Variants in EPAS1 observed in about 807,000 individuals in gnomAD.
EPAS1 encodes endothelial PAS domain protein 1, also known as endothelial PAS domain-containing protein 1.
Under a neutral mutation model 87.9 loss-of-function variants are expected in EPAS1, and 23 were observed. The ratio of observed to expected loss-of-function variants is 0.26; its 90% CI spans 0.19 to 0.37. The LOEUF is 0.37. Among genes scored for constraint, EPAS1 ranks in the 10% least tolerant of loss-of-function variants. EPAS1 has a pLI of 1.00. For missense variants in EPAS1, 1,138 were observed against 1,120.7 expected (o/e 1.02, Z -0.22); for synonymous variants, 508 against 444.3 (o/e 1.14, Z -1.80).
Position 46,384,843 on chromosome 2 carries a change from C to CTA in EPAS1, c.*185_*186dup. 1 of 705,192 alleles carries CTA rather than the reference C, an allele frequency of 1.4e-6. No homozygotes were observed. The highest frequency in any genetic ancestry group is 4.0e-4 in the Middle Eastern group (1 of 2,484). The allele number at this position is 705,192 out of a possible 1,614,324, so 43.7% of individuals were successfully genotyped here. A position where few individuals can be genotyped will look rare whatever the true frequency, so the allele number is the denominator to read the frequency against. Reference sequence around the variant, plus strand: ...TTCTGAGATGCTCACTTTATTATCCCTATTTTTAAAGTACACAATTGTTTT... The same window carrying CTA: ...TTCTGAGATGCTCACTTTATTATCCCTATATTTTTAAAGTACACAATTGTTTT... On this transcript the variant is annotated 3_prime_UTR_variant, in exon 16 of 16. Transcript: ENST00000263734.
chr2:46,355,711 A>G (rs555636117), intron 2 of EPAS1, among the ~76,000 whole-genome samples: 1 of 152,384 alleles, frequency 6.6e-6, no homozygotes, highest in South Asian at 2.1e-4. Context: ...GAGATAAATA[A>G]TGAACTAGGA....
At chr2:46,323,844 T>A (rs764922964) in intron 1 of EPAS1, among the ~76,000 whole-genome samples, 1 of 152,238 alleles carries the variant, frequency 6.6e-6, no homozygotes, top group Non-Finnish European at 1.5e-5. Context: ...TTTGCAAAGA[T>A]ATACATGAGT....
chr2:46,375,855 G>C lies in EPAS1; in HGVS notation c.1034+18G>C. 6.2e-7 allele frequency: 1 copy of C among 1,614,108 alleles called. No homozygotes were observed. The highest frequency in any genetic ancestry group is 8.5e-7 in the Non-Finnish European group (1 of 1,180,034). ...GTCCTGAGGTAAGCATGTGAGGGCT[G>C]GCGGGCCTTGGTGCAGGGTATGTGG... On this transcript the variant is annotated intron_variant, in intron 8 of 15. Transcript: ENST00000263734. The surrounding 1 kb of genome is among the most constrained non-coding windows in gnomAD (Gnocchi z 4.1).
chr2:46,356,377 C>G, intron 3 of EPAS1, 75 bp downstream of exon 3: 1 of 1,574,998 alleles, frequency 6.3e-7, no homozygotes, highest in Non-Finnish European at 8.7e-7. Flanking sequence ...AAGGTGCTAG[C>G]CACAATCCCA....
intron 2 of EPAS1, among the ~76,000 whole-genome samples, chr2:46,349,052 G>T (rs1237784480): frequency 6.6e-6 from 1 of 152,122 alleles, no homozygotes; most frequent in Admixed American, 6.5e-5. Context: ...TTGAATTTTG[G>T]TCCATGGGAA....
intron 1 of EPAS1, among the ~76,000 whole-genome samples, chr2:46,302,690 A>G (rs1349258684): frequency 1.3e-5 from 2 of 150,996 alleles, no homozygotes; most frequent in Non-Finnish European, 2.9e-5. Flanking sequence ...ATACTAAGAA[A>G]TAGGGGATAT....
chr2:46,336,265 C>T (rs1683792518), intron 1 of EPAS1, among the ~76,000 whole-genome samples: 1 of 152,102 alleles, frequency 6.6e-6, no homozygotes, highest in African/African-American at 2.4e-5. Flanking sequence ...GAAGGATACA[C>T]GAAAGTGGAA....
Position 46,362,977 on chromosome 2 carries a change from AGTGGTGGTGGTG to A in EPAS1, c.779+1918_779+1929del, listed in dbSNP as rs75642579. On this transcript the variant is annotated intron_variant, in intron 6 of 15. Coordinates refer to ENST00000263734, the MANE Select transcript of EPAS1 (RefSeq NM_001430.5). ...TAGTGGTGGTGGTGGTGGTGGTGGT[AGTGGTGGTGGTG>A]GTGGTGGTGGTGGTGGTGGTGGTGG... is the stretch of plus-strand genomic sequence containing the variant. Among the ~76,000 whole-genome samples, 304 of 104,362 alleles carry A rather than the reference AGTGGTGGTGGTG, an allele frequency of 2.9e-3. 3 individuals are homozygous for A. The highest frequency in any genetic ancestry group is 4.3e-3 in the Non-Finnish European group (219 of 51,132). The allele number at this position is 104,362 out of a possible 152,430, so 68.5% of individuals were successfully genotyped here. A position where few individuals can be genotyped will look rare whatever the true frequency, so the allele number is the denominator to read the frequency against.
intron 7 of EPAS1, among the ~76,000 whole-genome samples, chr2:46,372,604 T>G (rs1345104345): frequency 6.6e-6 from 1 of 152,250 alleles, no homozygotes; most frequent in African/African-American, 2.4e-5. Context: ...GAGGATATTA[T>G]GTGCTTTTAG....
chr2:46,360,167 G>C lies in EPAS1; in HGVS notation c.455-471G>C, dbSNP rs1219860278. ...GGGTTAAATTCCTCCTGAGAGACAG[G>C]TTATAAAGGAAAGACGGGAGTGTCG... On this transcript the variant is annotated intron_variant, in intron 4 of 15. Coordinates refer to ENST00000263734, the MANE Select transcript of EPAS1 (RefSeq NM_001430.5). This position sits in a 1 kb window ranked among gnomAD's most constrained non-coding sequence, Gnocchi z 4.5. Among the ~76,000 whole-genome samples the C allele has an allele frequency of 6.6e-6, 1 of 152,210 alleles. No homozygotes were observed. The highest frequency in any genetic ancestry group is 2.4e-5 in the African/African-American group (1 of 41,462).
intron 1 of EPAS1, among the ~76,000 whole-genome samples, chr2:46,318,531 CTG>C: frequency 6.6e-6 from 1 of 152,304 alleles, no homozygotes; most frequent in East Asian, 1.9e-4. Flanking sequence ...CAAGGCATGC[CTG>C]TGTTTCTTAA....
In EPAS1 at chr2:46,375,610, C is replaced by T; in HGVS notation, c.887-80C>T. ...TCTGTTCCCCTGCAGATTAGACTGC[C>T]CTCCCATGCGATCTGCTGAGCCTGT... is the stretch of plus-strand genomic sequence containing the variant. On this transcript the variant is annotated intron_variant, in intron 7 of 15. Coordinates refer to ENST00000263734, the MANE Select transcript of EPAS1 (RefSeq NM_001430.5). This position sits in a 1 kb window ranked among gnomAD's most constrained non-coding sequence, Gnocchi z 4.1. The T allele has an allele frequency of 6.5e-7, 1 of 1,531,482 alleles. No homozygotes were observed. Among genetic ancestry groups the T allele is most frequent in the Non-Finnish European group, 8.9e-7 (1 of 1,125,736 alleles). The allele number at this position is 1,531,482 out of a possible 1,614,324, so 94.9% of individuals were successfully genotyped here.
chr2:46,360,457 G>A lies in EPAS1; in HGVS notation c.455-181G>A, dbSNP rs945022796. Among the ~76,000 whole-genome samples the A allele has an allele frequency of 1.3e-5, 2 of 152,202 alleles. No homozygotes were observed. The highest frequency in any genetic ancestry group is 4.8e-5 in the African/African-American group (2 of 41,448). ...GTTGAGGAGATAAGCTTGAGAGTGGGAACCATTAGTTCACAGGCCATGATG... is the reference window on the plus strand; with the variant it reads ...GTTGAGGAGATAAGCTTGAGAGTGGAAACCATTAGTTCACAGGCCATGATG... On this transcript the variant is annotated intron_variant, in intron 4 of 15. Transcript: ENST00000263734. This position sits in a 1 kb window ranked among gnomAD's most constrained non-coding sequence, Gnocchi z 4.5.
chr2:46,299,653 G>T (rs1278909883), intron 1 of EPAS1, among the ~76,000 whole-genome samples: 1 of 152,354 alleles, frequency 6.6e-6, no homozygotes, highest in South Asian at 2.1e-4. Flanking sequence ...AATCGCCGAG[G>T]TGGGGCCTGA....
intron 2 of EPAS1, among the ~76,000 whole-genome samples, chr2:46,351,622 C>A (rs1157760193): frequency 6.6e-6 from 1 of 152,126 alleles, no homozygotes; most frequent in Non-Finnish European, 1.5e-5. Flanking sequence ...TCAGTTTAGG[C>A]AGAGCCTTAG....
intron 1 of EPAS1, chr2:46,335,816 A>T (rs1352052927): frequency 1.3e-5 from 2 of 152,000 alleles, no homozygotes; most frequent in Non-Finnish European, 1.5e-5. Context: ...GCTTGAGGAT[A>T]TGGATATCCA....
At position 46,347,131 on chromosome 2, in the gene EPAS1, G is replaced by A; in HGVS notation, c.217+68G>A. The A allele has an allele frequency of 6.3e-7, 1 of 1,575,970 alleles. No homozygotes were observed. The highest frequency in any genetic ancestry group is 8.7e-7 in the Non-Finnish European group (1 of 1,146,074). On this transcript the variant is annotated intron_variant, in intron 2 of 15. Transcript: ENST00000263734. The surrounding 1 kb of genome is among the most constrained non-coding windows in gnomAD (Gnocchi z 4.2). Reference sequence around the variant, plus strand: ...TACCAGCATGTTCCTATATGCAGGGGACCCTTCTGCTGCCAGAGCTGGAAA... The same window carrying A: ...TACCAGCATGTTCCTATATGCAGGGAACCCTTCTGCTGCCAGAGCTGGAAA...
At position 46,386,543 on chromosome 2, in the gene EPAS1, C is replaced by G. The variant is rs1474976848; in HGVS notation, c.*1883C>G. 1 of 152,588 alleles carries G rather than the reference C, an allele frequency of 6.6e-6. No homozygotes were observed. The highest frequency in any genetic ancestry group is 1.5e-5 in the Non-Finnish European group (1 of 68,048). The allele number at this position is 152,588 out of a possible 1,614,324, so 9.5% of individuals were successfully genotyped here. A position where few individuals can be genotyped will look rare whatever the true frequency, so the allele number is the denominator to read the frequency against. ...TTTACTAAAACACTGAAAAATATTC[C>G]AAGCTTCATATTAACCCTACCTGTC... On this transcript the variant is annotated 3_prime_UTR_variant, in exon 16 of 16. Coordinates refer to ENST00000263734, the MANE Select transcript of EPAS1 (RefSeq NM_001430.5).
At chr2:46,318,466 C>A (rs187641218) in intron 1 of EPAS1, among the ~76,000 whole-genome samples, 1 of 152,292 alleles carries the variant, frequency 6.6e-6, no homozygotes, top group East Asian at 1.9e-4. Flanking sequence ...GACAAACCTT[C>A]AATTTGTAAA....
Sources: gnomAD v4.1 joint callset for allele counts (sites outside exome capture counted in the v4.1 genomes callset) on GRCh38, gnomAD v4.1.1 for gene constraint, Gnocchi (gnomAD v3.1) non-coding constraint, MANE v1.5 for transcripts, NCBI Gene and HGNC (gene_info 2026-07-23, HGNC 2026-07-21) for gene names.